Variants in LRMDA observed in about 807,000 individuals in gnomAD.
LRMDA encodes the protein leucine rich melanocyte differentiation associated.
In LRMDA, 18 loss-of-function variants were observed where a neutral mutation model predicts 29.8. The ratio of observed to expected loss-of-function variants is 0.60; its 90% CI spans 0.42 to 0.90. The LOEUF is 0.90. Among genes scored for constraint, LRMDA ranks in the 40% least tolerant of loss-of-function variants. The pLI is 0.00. For synonymous variants in LRMDA, 125 were observed against 109.4 expected, an observed-to-expected ratio of 1.14 and a Z score of -0.89; for missense variants, 273 against 273.9, an observed-to-expected ratio of 1.00 and a Z score of 0.02.
At chr10:76,314,612 G>T (rs1307199285) in intron 5 of LRMDA, among the ~76,000 whole-genome samples, 1 of 152,140 alleles carries the variant, frequency 6.6e-6, no homozygotes, top group Non-Finnish European at 1.5e-5. Context: ...AATTTCAAGA[G>T]CATAAATAAC....
intron 6 of LRMDA, among the ~76,000 whole-genome samples, chr10:76,392,420 C>T (rs1589163785): frequency 6.6e-6 from 1 of 152,022 alleles, no homozygotes; most frequent in African/African-American, 2.4e-5. Context: ...TTAAATAATA[C>T]AGATTGAGTA....
Position 75,976,524 on chromosome 10 carries a change from G to A in LRMDA, c.132-59484G>A, listed in dbSNP as rs114713233. On this transcript the variant is annotated intron_variant, in intron 2 of 6. Transcript: ENST00000611255. Reference sequence around the variant, plus strand: ...GTAGAGTATAAACTCCATGAGCCAGGGCCTTCACCTACCTTGTTCTTTCAA... The same window carrying A: ...GTAGAGTATAAACTCCATGAGCCAGAGCCTTCACCTACCTTGTTCTTTCAA... Among the ~76,000 whole-genome samples the A allele has an allele frequency of 5.8e-3, 877 of 152,212 alleles. 9 individuals are homozygous for A. The highest frequency in any genetic ancestry group is 0.018 in the African/African-American group (767 of 41,524).
intron 6 of LRMDA, among the ~76,000 whole-genome samples, chr10:76,353,459 C>T (rs945739272): frequency 3.9e-5 from 6 of 151,948 alleles, no homozygotes; most frequent in Non-Finnish European, 7.4e-5. Flanking sequence ...GCAGATTATT[C>T]GACTGAAGTA....
chr10:75,769,741 A>G (rs1469174904), intron 2 of LRMDA, among the ~76,000 whole-genome samples: 4 of 152,200 alleles, frequency 2.6e-5, no homozygotes, highest in Non-Finnish European at 5.9e-5. Context: ...TATGCCAGGC[A>G]TGGCATCCTC....
intron 5 of LRMDA, among the ~76,000 whole-genome samples, chr10:76,068,226 A>T (rs1446077145): frequency 1.3e-5 from 2 of 152,240 alleles, no homozygotes; most frequent in Non-Finnish European, 2.9e-5. Flanking sequence ...GTAAGAAGAA[A>T]ATATAAAAGA....
chr10:76,404,931 A>G (rs1250302862), intron 6 of LRMDA, among the ~76,000 whole-genome samples: 1 of 152,188 alleles, frequency 6.6e-6, no homozygotes, highest in Admixed American at 6.5e-5. Context: ...TGTAAGTTGA[A>G]GATGAAGGAA....
chr10:76,255,409 A>G (rs924896702), intron 5 of LRMDA, among the ~76,000 whole-genome samples: 3 of 152,204 alleles, frequency 2.0e-5, no homozygotes, highest in Non-Finnish European at 4.4e-5. Flanking sequence ...TTTTAGAAGC[A>G]TAGATTCTGA....
intron 6 of LRMDA, among the ~76,000 whole-genome samples, chr10:76,424,493 C>T (rs1220537979): frequency 1.3e-5 from 2 of 152,014 alleles, no homozygotes; most frequent in Admixed American, 1.3e-4. Flanking sequence ...GAGCCAAGAT[C>T]GTGCCACTGC....
At chr10:76,450,239 G>A (rs1842392825) in intron 6 of LRMDA, among the ~76,000 whole-genome samples, 1 of 152,000 alleles carries the variant, frequency 6.6e-6, no homozygotes. Context: ...GACTTTTCTA[G>A]TCATTGCTCT....
chr10:75,841,735 G>A (rs1220467298), intron 2 of LRMDA, among the ~76,000 whole-genome samples: 3 of 152,150 alleles, frequency 2.0e-5, no homozygotes, highest in Admixed American at 1.3e-4. Context: ...TAACCTGCAC[G>A]TTCTAAAAGA....
chr10:76,518,319 C>CTATCTATCTATT (rs961252631), intron 6 of LRMDA, among the ~76,000 whole-genome samples: 7 of 150,868 alleles, frequency 4.6e-5, no homozygotes, highest in Admixed American at 6.6e-5. Flanking sequence ...ATCTATCTAT[C>CTATCTATCTATT]TATCTATCAT....
chr10:76,421,566 A>T (rs941418945), intron 6 of LRMDA, among the ~76,000 whole-genome samples: 5 of 152,280 alleles, frequency 3.3e-5, no homozygotes, highest in Admixed American at 2.0e-4. Flanking sequence ...CCCTTTTTCT[A>T]ATAGTCTCAA....
chr10:75,609,688 C>T (rs1841003601), intron 2 of LRMDA, among the ~76,000 whole-genome samples: 2 of 152,154 alleles, frequency 1.3e-5, no homozygotes. Context: ...AGCTGAGAAG[C>T]CCTGAGTGTG....
intron 6 of LRMDA, among the ~76,000 whole-genome samples, chr10:76,350,180 AT>A (rs1263877992): frequency 1.3e-5 from 2 of 151,798 alleles, no homozygotes; most frequent in East Asian, 1.9e-4. Context: ...AAAAAAAAAA[AT>A]AAATAAATTC....
chr10:75,746,929 T>A (rs1474590595), intron 2 of LRMDA, among the ~76,000 whole-genome samples: 3 of 152,216 alleles, frequency 2.0e-5, no homozygotes, highest in Non-Finnish European at 4.4e-5. Flanking sequence ...TAGGGGTAGA[T>A]CTTATTGGGG....
chr10:75,513,697 G>T (rs77432919), intron 2 of LRMDA, among the ~76,000 whole-genome samples: 1 of 151,944 alleles, frequency 6.6e-6, no homozygotes, highest in Non-Finnish European at 1.5e-5. Flanking sequence ...TTTGGCTCTC[G>T]GCCCGGTGTC....
intron 3 of LRMDA, among the ~76,000 whole-genome samples, chr10:76,044,012 G>A (rs1242282565): frequency 1.3e-5 from 2 of 151,518 alleles, no homozygotes; most frequent in East Asian, 3.9e-4. Context: ...ATCACTCCAA[G>A]TCAGTATGTC....
chr10:76,419,135 G>A lies in LRMDA; in HGVS notation c.601+94650G>A, dbSNP rs145124111. ...GACATCAGGGTTCACTCTTAGTGGT[G>A]TATATTCTATGGGTTTTCATAGATA... On this transcript the variant is annotated intron_variant, in intron 6 of 6. Transcript: ENST00000611255. Among the ~76,000 whole-genome samples, 142 of 152,160 alleles carry A rather than the reference G, an allele frequency of 9.3e-4. 1 individual carries two copies. Among genetic ancestry groups the A allele is most frequent in the African/African-American group, 3.3e-3 (137 of 41,548 alleles).
At chr10:75,821,819 G>T (rs1158547142) in intron 2 of LRMDA, among the ~76,000 whole-genome samples, 1 of 151,830 alleles carries the variant, frequency 6.6e-6, no homozygotes. Context: ...ACCAAACTAG[G>T]TATAGAAGGG....
Sources: allele counts gnomAD v4.1 joint callset (sites outside exome capture counted in the v4.1 genomes callset), GRCh38; gene constraint gnomAD v4.1.1; transcripts MANE v1.5; gene names NCBI Gene and HGNC (gene_info 2026-07-23, HGNC 2026-07-21).